Variants in CRLF1 observed in about 807,000 individuals in gnomAD.
The protein encoded by CRLF1 is cytokine receptor-like factor 1.
In CRLF1, 36 loss-of-function variants were observed where a neutral mutation model predicts 48.9. The ratio of observed to expected loss-of-function variants is 0.74; its 90% CI spans 0.56 to 0.97. The LOEUF is 0.97. Ranked by LOEUF, CRLF1 falls within the 50% of genes least tolerant of loss-of-function variation. The pLI is 0.00. For missense variants in CRLF1, 534 were observed against 575.1 expected, an observed-to-expected ratio of 0.93 and a Z score of 0.73; for synonymous variants, 256 against 253.4, an observed-to-expected ratio of 1.01 and a Z score of -0.10.
At chr19:18,594,032 T>TGCGCC in intron 8 of CRLF1, 33 bp downstream of exon 8, 1 of 695,814 alleles carries the variant, frequency 1.4e-6, no homozygotes, top group Non-Finnish European at 2.2e-6. Flanking sequence ...CTCCCCTTGC[T>TGCGCC]CCCTCCCGCC....
intron 1 of CRLF1, 52 bp from the exon 2 acceptor site, chr19:18,599,898 C>T (rs1976198324): frequency 6.9e-7 from 1 of 1,457,516 alleles, no homozygotes; most frequent in African/African-American, 1.4e-5. Context: ...CCTCCAAGCC[C>T]CCAACCATGC....
Position 18,596,826 on chromosome 19 carries a change from G to A in CRLF1, c.856-36C>T, listed in dbSNP as rs78504242. 3,571 of 1,613,030 alleles carry A rather than the reference G, an allele frequency of 2.2e-3. 72 individuals carry two copies. In the African/African-American group the frequency reaches 0.042, roughly 19 times the overall value. On this transcript the variant is annotated intron_variant, in intron 5 of 8. Transcript: ENST00000392386. ...AGGACAAGGTCAGAGTAGAGGGCGGGGCCTAGCAGGAGCGGGGGCGGGGCC... is the reference window on the plus strand; with the variant it reads ...AGGACAAGGTCAGAGTAGAGGGCGGAGCCTAGCAGGAGCGGGGGCGGGGCC...
chr19:18,605,129 A>G (rs1388020950), intron 1 of CRLF1, among the ~76,000 whole-genome samples: 3 of 148,378 alleles, frequency 2.0e-5, no homozygotes, highest in Non-Finnish European at 4.5e-5. Context: ...AAAGGAAAAA[A>G]CACACTTACA....
rs754221400 is a variant in CRLF1, at chr19:18,596,613, G to T, written c.1024+9C>A. The T allele has an allele frequency of 6.2e-7, 1 of 1,613,870 alleles. No homozygotes were observed. Among genetic ancestry groups the T allele is most frequent in the South Asian group, 1.1e-5 (1 of 91,080 alleles). On this transcript the variant is annotated intron_variant, in intron 6 of 8. Coordinates refer to ENST00000392386, the MANE Select transcript of CRLF1 (RefSeq NM_004750.5). Reference sequence around the variant, plus strand: ...CCGCTGGATCACCCAGCCCTAGGAGGGTGCTCACCACTGCGGGGAGTGGAG... The same window carrying T: ...CCGCTGGATCACCCAGCCCTAGGAGTGTGCTCACCACTGCGGGGAGTGGAG...
At chr19:18,597,492 G>T (rs1415188231) in intron 4 of CRLF1, among the ~76,000 whole-genome samples, 2 of 136,458 alleles carry the variant, frequency 1.5e-5, no homozygotes, top group African/African-American at 5.7e-5. Context: ...TGCAGTGGCG[G>T]GATCTCGGCT....
chr19:18,594,032 T>TTGGGGGCCC, intron 8 of CRLF1, 33 bp downstream of exon 8: 8 of 695,796 alleles, frequency 1.1e-5, no homozygotes, highest in Middle Eastern at 4.3e-4. Context: ...CTCCCCTTGC[T>TTGGGGGCCC]CCCTCCCGCC....
Position 18,606,779 on chromosome 19 carries a change from C to T in CRLF1, c.-123G>A, listed in dbSNP as rs1976304450. ...CCGCCCGCACGTCGCTGGGCGCGGA[C>T]GCGGAGGCCGGAGCAAGTCTGAGCA... On this transcript the variant is annotated 5_prime_UTR_variant, in exon 1 of 9. Transcript: ENST00000392386. The surrounding 1 kb of genome is among the most constrained non-coding windows in gnomAD (Gnocchi z 4.8). 1 of 145,934 alleles carries T rather than the reference C, an allele frequency of 6.9e-6. No individual in the cohort carries two copies. Among genetic ancestry groups the T allele is most frequent in the South Asian group, 2.1e-4 (1 of 4,820 alleles). The allele number at this position is 145,934 out of a possible 1,614,324, so 9.0% of individuals were successfully genotyped here. A position where few individuals can be genotyped will look rare whatever the true frequency, so the allele number is the denominator to read the frequency against.
At chr19:18,598,377 C>T (rs1225705123) in intron 4 of CRLF1, 55 bp downstream of exon 4, 10 of 1,564,538 alleles carry the variant, frequency 6.4e-6, no homozygotes, top group African/African-American at 1.3e-5. Flanking sequence ...CCTCGGGATG[C>T]TCGGTGGGTG....
At chr19:18,599,473 C>G in intron 2 of CRLF1, 92 bp downstream of exon 2, 1 of 1,562,982 alleles carries the variant, frequency 6.4e-7, no homozygotes, top group Non-Finnish European at 8.8e-7. Flanking sequence ...ACAGCTCATC[C>G]CCAGGCCAGA....
rs768727082 is a variant in CRLF1 at position 18,597,033 on chromosome 19, CG to C, written c.713del (p.Pro238ArgfsTer6). On this transcript the variant is annotated frameshift_variant, in exon 5 of 9. Coordinates refer to ENST00000392386, the MANE Select transcript of CRLF1 (RefSeq NM_004750.5). LOFTEE classifies it high-confidence loss of function. ...CGACGCGGCTCACGTGCACGTCGGGCGGGGGGTCCGTGGTCACTGCGGGGCA... is the reference window on the plus strand; with the variant it reads ...CGACGCGGCTCACGTGCACGTCGGGCGGGGGTCCGTGGTCACTGCGGGGCA... ...DILDVVTTDP[P>X]PDVHVSRVGG... is the part of the protein sequence containing the mutation. The C allele has an allele frequency of 1.9e-6, 3 of 1,612,464 alleles. No individual in the cohort carries two copies. The highest frequency in any genetic ancestry group is 1.7e-4 in the Middle Eastern group (1 of 6,060).
intron 6 of CRLF1, among the ~76,000 whole-genome samples, chr19:18,595,920 G>A (rs1976126037): frequency 6.6e-6 from 1 of 152,194 alleles, no homozygotes; most frequent in East Asian, 1.9e-4. Context: ...AGAAGCAGGG[G>A]TCTCAAACTC....
rs1976296873 is a variant in CRLF1 at position 18,606,417 on chromosome 19, G to A, written c.115+125C>T. On this transcript the variant is annotated intron_variant, in intron 1 of 8. Transcript: ENST00000392386. This position sits in a 1 kb window ranked among gnomAD's most constrained non-coding sequence, Gnocchi z 4.8. ...GTGAGGGCGCCCCGAGGGCTGCGCC[G>A]GGGGCGCCTTCCTTTGTTCCCCGGC... 1.4e-6 allele frequency: 1 copy of A among 711,188 alleles called. No individual in the cohort carries two copies. Among genetic ancestry groups the A allele is most frequent in the Non-Finnish European group, 1.7e-6 (1 of 575,838 alleles). 44.1% of individuals were successfully genotyped at this position (711,188 alleles called of 1,614,324 possible).
At chr19:18,594,031 C>CGGGGGGG (rs1976092559) in intron 8 of CRLF1, 34 bp downstream of exon 8, 514 of 1,298,886 alleles carry the variant, frequency 4.0e-4, no homozygotes, top group Middle Eastern at 1.0e-3. Context: ...CCTCCCCTTG[C>CGGGGGGG]TCCCTCCCGC....
chr19:18,595,626 C>T (rs555012965), intron 6 of CRLF1, among the ~76,000 whole-genome samples: 1 of 152,376 alleles, frequency 6.6e-6, no homozygotes, highest in East Asian at 1.9e-4. Context: ...GTGGCACCCA[C>T]CATGTGGGCA....
At chr19:18,596,813 G>T in intron 5 of CRLF1, 23 bp from the exon 6 acceptor site, 2 of 1,613,214 alleles carry the variant, frequency 1.2e-6, no homozygotes, top group Non-Finnish European at 1.7e-6. Context: ...GACAAGGTCA[G>T]AGTAGAGGGC....
In CRLF1 at chr19:18,594,356, T is replaced by A; in HGVS notation, c.1103A>T (p.Lys368Met). ...PSSGPVRREL[K>M]QFLGWLKKHA... ...CTTCTTGAGCCAGCCCAGGAACTGC[T>A]TGAGCTCGCGCCGCACCGGCCCCGA... The change falls in exon 7 of 9, where the codon AAG becomes ATG. Residue 368 changes from lysine (K) to methionine (M), a missense_variant. This residue lies in a region of CRLF1 where 528 missense variants were observed against 555.7 expected (regional missense o/e 0.95). Coordinates refer to ENST00000392386, the MANE Select transcript of CRLF1 (RefSeq NM_004750.5). 1 of 1,611,022 alleles carries A rather than the reference T, an allele frequency of 6.2e-7. No homozygotes were observed. Among genetic ancestry groups the A allele is most frequent in the African/African-American group, 1.3e-5 (1 of 74,744 alleles).
chr19:18,594,032 T>TGTGCC, intron 8 of CRLF1, 33 bp downstream of exon 8: 2 of 695,810 alleles, frequency 2.9e-6, no homozygotes, highest in Non-Finnish European at 4.4e-6. Flanking sequence ...CTCCCCTTGC[T>TGTGCC]CCCTCCCGCC....
In CRLF1 at chr19:18,606,516, G is replaced by T. The variant is rs936181821; in HGVS notation, c.115+26C>A. 76 of 1,155,124 alleles carry T rather than the reference G, an allele frequency of 6.6e-5. 1 individual carries two copies. The East Asian group carries it at 2.0e-3, about 30-fold the overall frequency. 71.6% of individuals were successfully genotyped at this position (1,155,124 alleles called of 1,614,324 possible). On this transcript the variant is annotated intron_variant, in intron 1 of 8. Transcript: ENST00000392386. The surrounding 1 kb of genome is among the most constrained non-coding windows in gnomAD (Gnocchi z 4.8). ...GCCCGCCCTCTGCTCTGGCAGGGGG[G>T]AAGGAGTGGGGCGCCGGGTACTCAC...
At chr19:18,594,547 C>A in intron 6 of CRLF1, 113 bp from the exon 7 acceptor site, 1 of 828,982 alleles carries the variant, frequency 1.2e-6, no homozygotes, top group Non-Finnish European at 1.6e-6. Flanking sequence ...GAACCTCCCT[C>A]CCCGTTTCTC....
Sources: gnomAD v4.1 joint callset for allele counts (sites outside exome capture counted in the v4.1 genomes callset) on GRCh38, gnomAD v4.1.1 for gene constraint, gnomAD v4.1.1 regional missense constraint, Gnocchi (gnomAD v3.1) non-coding constraint, MANE v1.5 for transcripts, NCBI Gene and HGNC (gene_info 2026-07-23, HGNC 2026-07-21) for gene names.